Variants in LRRC37A2 observed in about 807,000 individuals in gnomAD.
The protein encoded by LRRC37A2 is leucine rich repeat containing 37 member A2, also known as leucine-rich repeat-containing protein 37A2.
Under a neutral mutation model 68.8 loss-of-function variants are expected in LRRC37A2, and 9 were observed. That is an observed-to-expected ratio of 0.13 (90% CI 0.08 to 0.23). The LOEUF (loss-of-function observed/expected upper bound fraction) is 0.23. LRRC37A2 is among the 10% of genes least tolerant of loss of function. The probability of loss-of-function intolerance (pLI) is 1.00; values close to 1 mark genes in which losing one functional copy is unlikely to be tolerated. For synonymous variants in LRRC37A2, 63 were observed against 367.6 expected (o/e 0.17, Z 9.48); for missense variants, 168 against 950.4 (o/e 0.18, Z 10.82).
chr17:46,609,115 G>C, the LRRC37A2 span, among the ~76,000 whole-genome samples: 1 of 147,770 alleles, frequency 6.8e-6, no homozygotes, highest in Non-Finnish European at 1.5e-5. Context: ...GGGTATCTGT[G>C]GTTGAGTAGA....
At chr17:46,816,508 CA>C in the LRRC37A2 span, among the ~76,000 whole-genome samples, 1 of 141,092 alleles carries the variant, frequency 7.1e-6, no homozygotes, top group African/African-American at 2.5e-5. Context: ...CACACACACA[CA>C]CACACACCTC....
the LRRC37A2 span, among the ~76,000 whole-genome samples, chr17:46,893,791 C>A: frequency 6.6e-6 from 1 of 152,134 alleles, no homozygotes; most frequent in Admixed American, 6.5e-5. Context: ...AAGCAAAGAG[C>A]CCAATTCATT....
chr17:47,018,394 A>C, the LRRC37A2 span: 1 of 1,604,870 alleles, frequency 6.2e-7, no homozygotes, highest in Non-Finnish European at 8.5e-7. Context: ...GGTCACCATC[A>C]AACTCATCAT....
At chr17:46,610,126 T>TC in the LRRC37A2 span, among the ~76,000 whole-genome samples, 2 of 109,816 alleles carry the variant, frequency 1.8e-5, no homozygotes, top group African/African-American at 7.4e-5. Flanking sequence ...TCTCTCTCTC[T>TC]TCCTTTCTTC....
chr17:46,560,233 C>T (rs2145998406), downstream of LRRC37A2: 1 of 3,330 alleles, frequency 3.0e-4, no homozygotes, highest in South Asian at 7.2e-3. Flanking sequence ...GCATTTTAGG[C>T]CATTCCTTCA....
At chr17:46,721,650 A>G in the LRRC37A2 span, 1 of 1,599,564 alleles carries the variant, frequency 6.3e-7, no homozygotes, top group African/African-American at 1.3e-5. Context: ...ACACCAGAAA[A>G]AGTTTCAACC....
the LRRC37A2 span, chr17:46,941,037 T>TGA: frequency 9.2e-7 from 1 of 1,090,546 alleles, no homozygotes; most frequent in African/African-American, 1.6e-5. Context: ...TAGGTCGAGC[T>TGA]GATGCAAGAA....
the LRRC37A2 span, among the ~76,000 whole-genome samples, chr17:46,830,066 G>C: frequency 5.9e-5 from 9 of 152,206 alleles, no homozygotes; most frequent in Non-Finnish European, 1.0e-4. Flanking sequence ...TAACCAGGCT[G>C]TCTTAGTGAT....
At chr17:46,918,168 C>T in the LRRC37A2 span, among the ~76,000 whole-genome samples, 80,177 of 152,072 alleles carry the variant, frequency 0.53, 21,836 homozygotes, top group Non-Finnish European at 0.6. Flanking sequence ...CAACCTCCGC[C>T]TCCCGGGTTC....
chr17:46,478,672 C>T, the LRRC37A2 span, among the ~76,000 whole-genome samples: 3 of 112,204 alleles, frequency 2.7e-5, 1 homozygote, highest in Non-Finnish European at 6.2e-5. Flanking sequence ...TAACCCTCCA[C>T]GTGCAGTAAC....
the LRRC37A2 span, among the ~76,000 whole-genome samples, chr17:46,782,691 C>T: frequency 1.3e-5 from 2 of 152,222 alleles, no homozygotes; most frequent in African/African-American, 4.8e-5. Flanking sequence ...CTGATGCACC[C>T]AACTACACCC....
chr17:46,969,131 G>T, the LRRC37A2 span, among the ~76,000 whole-genome samples: 1 of 152,142 alleles, frequency 6.6e-6, no homozygotes, highest in Admixed American at 6.5e-5. Flanking sequence ...TCTCGCTCTG[G>T]CTCCCCTCCA....
the LRRC37A2 span, among the ~76,000 whole-genome samples, chr17:46,712,725 G>A: frequency 6.6e-6 from 1 of 152,118 alleles, no homozygotes. Flanking sequence ...AGACGAAAAG[G>A]AGGCCTAGAA....
At chr17:46,842,763 G>A in the LRRC37A2 span, among the ~76,000 whole-genome samples, 2 of 152,308 alleles carry the variant, frequency 1.3e-5, no homozygotes, top group South Asian at 2.1e-4. Flanking sequence ...TGCTCAAAAC[G>A]TAGCTGTGGA....
intron 4 of LRRC37A2, among the ~76,000 whole-genome samples, chr17:46,520,883 T>G (rs1161558028): frequency 1.4e-5 from 1 of 72,728 alleles, no homozygotes; most frequent in East Asian, 2.5e-4. Context: ...ATCCAGAATT[T>G]TTTGGTAATT....
the LRRC37A2 span, among the ~76,000 whole-genome samples, chr17:46,876,092 A>G: frequency 6.6e-6 from 1 of 152,216 alleles, no homozygotes; most frequent in African/African-American, 2.4e-5. Context: ...CTATTCCACA[A>G]GAACTCCAGG....
the LRRC37A2 span, among the ~76,000 whole-genome samples, chr17:46,490,308 C>T: frequency 6.6e-6 from 1 of 151,210 alleles, no homozygotes; most frequent in East Asian, 1.9e-4. Context: ...AGGCTGTGGC[C>T]GGCCATAGTT....
the LRRC37A2 span, among the ~76,000 whole-genome samples, chr17:46,867,384 A>G: frequency 1.3e-5 from 2 of 152,244 alleles, no homozygotes; most frequent in Non-Finnish European, 2.9e-5. Flanking sequence ...GGCTCCAGCC[A>G]TCCCCTCTCA....
the LRRC37A2 span, among the ~76,000 whole-genome samples, chr17:46,977,713 C>T: frequency 6.6e-6 from 1 of 152,246 alleles, no homozygotes; most frequent in African/African-American, 2.4e-5. Context: ...CTTCCGTCTA[C>T]TCATCTGTCC....
Sources: allele counts gnomAD v4.1 joint callset (sites outside exome capture counted in the v4.1 genomes callset), GRCh38; gene constraint gnomAD v4.1.1; transcripts MANE v1.5; gene names NCBI Gene and HGNC (gene_info 2026-07-23, HGNC 2026-07-21).